Variants in FAM241A observed in about 807,000 individuals in gnomAD.
FAM241A encodes the protein uncharacterized protein FAM241A.
FAM241A carries 7 observed loss-of-function variants against 12.2 expected under a neutral mutation model. The ratio of observed to expected loss-of-function variants is 0.58; its 90% CI spans 0.33 to 1.08. The LOEUF (loss-of-function observed/expected upper bound fraction) is 1.08. FAM241A is among the 50% of genes least tolerant of loss of function. The pLI, the probability that FAM241A is intolerant of heterozygous loss-of-function variation, is 0.04. For missense variants in FAM241A, 161 were observed against 169.7 expected (o/e 0.95, Z 0.29); for synonymous variants, 74 against 68.2 (o/e 1.08, Z -0.42).
At chr4:112,175,990 C>T (rs1008118074) in intron 1 of FAM241A, among the ~76,000 whole-genome samples, 2 of 152,066 alleles carry the variant, frequency 1.3e-5, no homozygotes, top group African/African-American at 2.4e-5. Context: ...TAATACTGGA[C>T]ACAGGAAGAC....
At chr4:112,166,177 T>G (rs1006412255) in intron 1 of FAM241A, among the ~76,000 whole-genome samples, 1 of 151,284 alleles carries the variant, frequency 6.6e-6, no homozygotes, top group Non-Finnish European at 1.5e-5. Context: ...CTCTCCCGAG[T>G]AGCTGGGACT....
chr4:112,185,879 C>T (rs946667680), intron 1 of FAM241A, among the ~76,000 whole-genome samples: 8 of 152,134 alleles, frequency 5.3e-5, no homozygotes. Flanking sequence ...GATTAAGAAA[C>T]CCATCCGAAG....
intron 1 of FAM241A, among the ~76,000 whole-genome samples, chr4:112,159,832 G>GA (rs1220778571): frequency 2.0e-5 from 3 of 152,126 alleles, no homozygotes; most frequent in African/African-American, 7.2e-5. Flanking sequence ...ACTAAATGGA[G>GA]AAAAAATGAA....
At chr4:112,186,384 C>A (rs1393904307) in intron 1 of FAM241A, among the ~76,000 whole-genome samples, 1 of 152,024 alleles carries the variant, frequency 6.6e-6, no homozygotes, top group Admixed American at 6.6e-5. Flanking sequence ...TCAAAGGAAC[C>A]GTCTAAAAAG....
chr4:112,159,794 CATATGACAGACCCACAGCTAG>C, intron 1 of FAM241A, among the ~76,000 whole-genome samples: 3 of 152,284 alleles, frequency 2.0e-5, no homozygotes, highest in Admixed American at 2.0e-4. Context: ...ACAAAAGCCA[CATATGACAGACCCACAGCTAG>C]TATCATACTA....
intron 1 of FAM241A, among the ~76,000 whole-genome samples, chr4:112,147,371 G>T (rs1169083693): frequency 1.3e-5 from 2 of 152,118 alleles, no homozygotes. Context: ...CACAATAATT[G>T]AAAATCACAC....
At chr4:112,150,081 A>G (rs150549928) in intron 1 of FAM241A, among the ~76,000 whole-genome samples, 9 of 151,974 alleles carry the variant, frequency 5.9e-5, no homozygotes, top group African/African-American at 9.6e-5. Flanking sequence ...TTTCTTTTGT[A>G]TGTGTGCATT....
chr4:112,172,847 A>G (rs891618956), intron 1 of FAM241A, among the ~76,000 whole-genome samples: 1 of 152,052 alleles, frequency 6.6e-6, no homozygotes, highest in Non-Finnish European at 1.5e-5. Context: ...ATGCGTTAAT[A>G]TGTTTATTTA....
At chr4:112,152,550 A>G (rs1183317669) in intron 1 of FAM241A, among the ~76,000 whole-genome samples, 3 of 152,156 alleles carry the variant, frequency 2.0e-5, no homozygotes, top group Non-Finnish European at 4.4e-5. Flanking sequence ...CTCGTATGCA[A>G]CTTGCTGTAT....
chr4:112,155,564 G>A (rs1723336496), intron 1 of FAM241A, among the ~76,000 whole-genome samples: 1 of 151,534 alleles, frequency 6.6e-6, no homozygotes, highest in African/African-American at 2.4e-5. Flanking sequence ...ATTAGATGAA[G>A]CCTTATATAG....
At chr4:112,160,341 G>A (rs1278041160) in intron 1 of FAM241A, among the ~76,000 whole-genome samples, 2 of 149,696 alleles carry the variant, frequency 1.3e-5, no homozygotes, top group Admixed American at 6.7e-5. Context: ...GGAGGCAGAG[G>A]TTGCAGTGAG....
At chr4:112,164,031 G>C (rs1023070876) in intron 1 of FAM241A, among the ~76,000 whole-genome samples, 1 of 151,386 alleles carries the variant, frequency 6.6e-6, no homozygotes, top group African/African-American at 2.4e-5. Context: ...ACCAAACACC[G>C]CATGTTCTCA....
chr4:112,171,835 G>C (rs560489155), intron 1 of FAM241A, among the ~76,000 whole-genome samples: 1 of 151,886 alleles, frequency 6.6e-6, no homozygotes, highest in East Asian at 1.9e-4. Flanking sequence ...CTCCAACCTG[G>C]GTGACAGAGT....
intron 1 of FAM241A, among the ~76,000 whole-genome samples, chr4:112,183,995 AAAAG>A (rs938814056): frequency 2.6e-5 from 4 of 152,180 alleles, no homozygotes; most frequent in African/African-American, 9.6e-5. Context: ...ATTTTTTAAA[AAAAG>A]AAAAGATCCA....
At chr4:112,184,101 A>G in intron 1 of FAM241A, among the ~76,000 whole-genome samples, 1 of 152,242 alleles carries the variant, frequency 6.6e-6, no homozygotes, top group Non-Finnish European at 1.5e-5. Flanking sequence ...GGAAAAGTGA[A>G]GTAATTTGGC....
rs1197537968 is a variant in FAM241A, at chr4:112,192,906, C to T, written c.*5968C>T. The T allele has an allele frequency of 6.6e-6, 1 of 150,716 alleles. No homozygotes were observed. Among genetic ancestry groups the T allele is most frequent in the Non-Finnish European group, 1.5e-5 (1 of 67,580 alleles). 9.3% of individuals were successfully genotyped at this position (150,716 alleles called of 1,614,324 possible). ...CAAATGGTATTTCTAGTTCTAGATT[C>T]CTGAGGAATCGCCACACTGACTTCC... On this transcript the variant is annotated 3_prime_UTR_variant, in exon 2 of 2. Transcript: ENST00000309733.
At chr4:112,171,538 CT>C (rs1270511875) in intron 1 of FAM241A, 1 of 756,546 alleles carries the variant, frequency 1.3e-6, no homozygotes, top group Non-Finnish European at 2.4e-6. Context: ...TAAGTGTCAT[CT>C]TTTGTTTTAT....
intron 1 of FAM241A, among the ~76,000 whole-genome samples, chr4:112,163,835 C>G (rs1216740966): frequency 6.6e-6 from 1 of 152,016 alleles, no homozygotes; most frequent in Non-Finnish European, 1.5e-5. Context: ...GATTATAAAT[C>G]ATGCTGCTAT....
At position 112,195,217 on chromosome 4, in the gene FAM241A, T is replaced by C. The variant is rs1034565248; in HGVS notation, c.*8279T>C. The stretch of plus-strand genomic sequence containing the variant: ...ACATATGTGTTAAATGACATGTATA[T>C]ACTTTGTTATTCTTTCTAATAAATA... On this transcript the variant is annotated 3_prime_UTR_variant, in exon 2 of 2. Transcript: ENST00000309733. The C allele has an allele frequency of 1.3e-5, 2 of 152,268 alleles. No homozygotes were observed. Among genetic ancestry groups the C allele is most frequent in the Non-Finnish European group, 2.9e-5 (2 of 68,050 alleles). The allele number at this position is 152,268 out of a possible 1,614,324, so 9.4% of individuals were successfully genotyped here. A position where few individuals can be genotyped will look rare whatever the true frequency, so the allele number is the denominator to read the frequency against.
Sources: allele counts gnomAD v4.1 joint callset (sites outside exome capture counted in the v4.1 genomes callset), GRCh38; gene constraint gnomAD v4.1.1; transcripts MANE v1.5; gene names NCBI Gene and HGNC (gene_info 2026-07-23, HGNC 2026-07-21).